CLNK: variants seen among roughly 807,000 people sequenced by gnomAD.
CLNK encodes cytokine-dependent hematopoietic cell linker.
A neutral mutation model predicts 68.6 loss-of-function variants in CLNK; 74 were observed. That is an observed-to-expected ratio of 1.08 (90% CI 0.89 to 1.31). CLNK has a LOEUF of 1.31. CLNK is among the 50% of genes most tolerant of loss of function. The pLI, the probability that CLNK is intolerant of heterozygous loss-of-function variation, is 0.00. For synonymous variants in CLNK, 198 were observed against 172.2 expected (o/e 1.15, Z -1.17); for missense variants, 553 against 515.3 (o/e 1.07, Z -0.71).
At chr4:10,571,346 T>C (rs1395636132) in intron 5 of CLNK, among the ~76,000 whole-genome samples, 1 of 145,582 alleles carries the variant, frequency 6.9e-6, no homozygotes, top group Non-Finnish European at 1.5e-5. Flanking sequence ...TTTTTTTTTT[T>C]TTTTTGAGAC....
At position 10,564,672 on chromosome 4, in the gene CLNK, C is replaced by G; in HGVS notation, c.398G>C (p.Arg133Thr). Residue 133 changes from arginine to threonine, a missense_variant and splice_region_variant, in exon 7 of 19, where the codon AGA (arginine) becomes ACA (threonine). Physicochemically the swap from Arg to Thr is moderately conservative, Grantham distance 71 (BLOSUM62 -1). Coordinates refer to ENST00000226951, the MANE Select transcript of CLNK (RefSeq NM_052964.4). ...PTWNTQTRLERVDKPISKDVR... is the reference protein window; with the variant it reads ...PTWNTQTRLETVDKPISKDVR... ...TCACAATGTCCAGTCTTTACTCACT[C>G]TTTCCAACCTCGTCTGTGTGTTCCA... is the stretch of plus-strand genomic sequence containing the variant. 1 of 1,607,166 alleles carries G rather than the reference C, an allele frequency of 6.2e-7. No individual in the cohort carries two copies. Among genetic ancestry groups the G allele is most frequent in the Non-Finnish European group, 8.5e-7 (1 of 1,173,734 alleles).
intron 2 of CLNK, among the ~76,000 whole-genome samples, chr4:10,656,738 C>T (rs546020994): frequency 2.6e-5 from 4 of 152,254 alleles, no homozygotes; most frequent in African/African-American, 7.2e-5. Flanking sequence ...TGAATCTATG[C>T]TTTAGGACAT....
At chr4:10,527,811 T>C (rs1359898742) in intron 13 of CLNK, among the ~76,000 whole-genome samples, 1 of 152,168 alleles carries the variant, frequency 6.6e-6, no homozygotes, top group Non-Finnish European at 1.5e-5. Flanking sequence ...AGGGTGACAG[T>C]GTAATGCCTT....
chr4:10,498,230 G>A (rs1343720211), intron 18 of CLNK, among the ~76,000 whole-genome samples: 2 of 152,110 alleles, frequency 1.3e-5, no homozygotes, highest in Non-Finnish European at 2.9e-5. Flanking sequence ...TGTGGCTCAC[G>A]CCTGTAATCC....
chr4:10,718,481 G>A, the CLNK span, among the ~76,000 whole-genome samples: 62 of 135,486 alleles, frequency 4.6e-4, no homozygotes, highest in African/African-American at 1.7e-3. Flanking sequence ...AAAAAAAGTG[G>A]CACAATATTT....
At chr4:10,642,048 G>A (rs1723326984) in intron 2 of CLNK, among the ~76,000 whole-genome samples, 1 of 152,266 alleles carries the variant, frequency 6.6e-6, no homozygotes, top group South Asian at 2.1e-4. Flanking sequence ...CGAGTCTCGT[G>A]TATGTCTTTA....
chr4:10,688,560 C>T (rs936309500), upstream of CLNK, among the ~76,000 whole-genome samples: 1 of 152,264 alleles, frequency 6.6e-6, no homozygotes, highest in Admixed American at 6.5e-5. Flanking sequence ...TCAAATCCCA[C>T]CCAGTTACAC....
At chr4:10,714,640 G>A in the CLNK span, among the ~76,000 whole-genome samples, 1 of 151,750 alleles carries the variant, frequency 6.6e-6, no homozygotes, top group East Asian at 1.9e-4. Context: ...GTGGTCCTTA[G>A]ATCTCTTTTA....
the CLNK span, among the ~76,000 whole-genome samples, chr4:10,728,948 T>A: frequency 6.6e-6 from 1 of 152,188 alleles, no homozygotes; most frequent in Non-Finnish European, 1.5e-5. Context: ...TTGACTTGTA[T>A]GTTTAAACGT....
intron 12 of CLNK, among the ~76,000 whole-genome samples, chr4:10,530,543 T>C (rs779439873): frequency 2.0e-5 from 3 of 152,178 alleles, no homozygotes; most frequent in Non-Finnish European, 4.4e-5. Flanking sequence ...TTAGATGATA[T>C]CAACTTCTAG....
chr4:10,634,758 C>T (rs1483261780), intron 2 of CLNK, among the ~76,000 whole-genome samples: 4 of 152,138 alleles, frequency 2.6e-5, no homozygotes, highest in African/African-American at 9.7e-5. Flanking sequence ...AACAATTTGG[C>T]TTTTCCCTTC....
intron 2 of CLNK, among the ~76,000 whole-genome samples, chr4:10,617,323 A>G (rs2531196): frequency 0.69 from 105,557 of 152,070 alleles, 37,538 homozygotes; most frequent in East Asian, 0.77. Flanking sequence ...CTGGAGATAT[A>G]AAACTGGAGA....
intron 4 of CLNK, among the ~76,000 whole-genome samples, chr4:10,584,268 T>G (rs1395713154): frequency 6.6e-6 from 1 of 152,226 alleles, no homozygotes; most frequent in Non-Finnish European, 1.5e-5. Context: ...ATGCCTTTGC[T>G]GATTACATAA....
the CLNK span, among the ~76,000 whole-genome samples, chr4:10,724,495 G>A: frequency 4.1e-5 from 3 of 73,284 alleles, no homozygotes; most frequent in South Asian, 4.9e-4. Context: ...TTTTTTTTTC[G>A]TTGCCTATTA....
chr4:10,620,388 A>G (rs1372633341), intron 2 of CLNK, among the ~76,000 whole-genome samples: 3 of 152,178 alleles, frequency 2.0e-5, no homozygotes. Context: ...AAACCCACCT[A>G]TCCTAAAGTC....
intron 13 of CLNK, 77 bp downstream of exon 13, chr4:10,527,999 A>G: frequency 1.3e-6 from 1 of 762,138 alleles, no homozygotes; most frequent in Non-Finnish European, 1.9e-6. Flanking sequence ...CTTTTTAATA[A>G]CCATGAGCAC....
At chr4:10,569,562 A>G (rs751707676) in intron 5 of CLNK, among the ~76,000 whole-genome samples, 1 of 152,148 alleles carries the variant, frequency 6.6e-6, no homozygotes, top group Non-Finnish European at 1.5e-5. Context: ...GCATATTGTT[A>G]TGGCAACACT....
intron 3 of CLNK, among the ~76,000 whole-genome samples, chr4:10,592,503 C>T (rs895246712): frequency 6.6e-6 from 1 of 151,746 alleles, no homozygotes; most frequent in African/African-American, 2.4e-5. Flanking sequence ...CCATCCTTCT[C>T]TCCCTATTGA....
At chr4:10,625,844 C>G (rs1321010485) in intron 2 of CLNK, among the ~76,000 whole-genome samples, 2 of 152,200 alleles carry the variant, frequency 1.3e-5, no homozygotes, top group Non-Finnish European at 2.9e-5. Context: ...ACTGATGCAT[C>G]TGAGGCCAAT....
Sources: gnomAD v4.1 joint callset for allele counts (sites outside exome capture counted in the v4.1 genomes callset) on GRCh38, gnomAD v4.1.1 for gene constraint, MANE v1.5 for transcripts, NCBI Gene and HGNC (gene_info 2026-07-23, HGNC 2026-07-21) for gene names.